The following GRM7 variants were observed in gnomAD, a reference collection of about 807,000 sequenced individuals.
GRM7 encodes metabotropic glutamate receptor 7.
In GRM7, 35 loss-of-function variants were observed where a neutral mutation model predicts 84.5. The observed-to-expected ratio is 0.41, with a 90% CI of 0.32 to 0.55. The LOEUF (loss-of-function observed/expected upper bound fraction) is 0.55, where lower values mean the gene tolerates loss of function less well. Among genes scored for constraint, GRM7 ranks in the 20% least tolerant of loss-of-function variants. The pLI is 0.19. For synonymous variants in GRM7, 487 were observed against 455.1 expected (o/e 1.07, Z -0.89); for missense variants, 1,003 against 1,194.6 (o/e 0.84, Z 2.36).
intron 7 of GRM7, among the ~76,000 whole-genome samples, chr3:7,519,295 G>A (rs986297193): frequency 6.6e-6 from 1 of 151,926 alleles, no homozygotes; most frequent in African/African-American, 2.4e-5. Flanking sequence ...TCAGGAGGTA[G>A]AGGCTGCAGT....
intron 7 of GRM7, among the ~76,000 whole-genome samples, chr3:7,555,466 T>C (rs1417809563): frequency 1.3e-5 from 2 of 152,210 alleles, no homozygotes; most frequent in African/African-American, 2.4e-5. Context: ...ATACATGATT[T>C]TCATTTTAAC....
intron 2 of GRM7, among the ~76,000 whole-genome samples, chr3:7,184,038 T>A (rs1695432383): frequency 6.6e-6 from 1 of 151,838 alleles, no homozygotes; most frequent in South Asian, 2.1e-4. Context: ...AAAGGTGAAA[T>A]GAAATGTATG....
At chr3:7,213,409 G>A (rs1201341544) in intron 2 of GRM7, among the ~76,000 whole-genome samples, 1 of 152,106 alleles carries the variant, frequency 6.6e-6, no homozygotes, top group Non-Finnish European at 1.5e-5. Flanking sequence ...AAGGCCCTTG[G>A]AGATCACCCG....
intron 2 of GRM7, among the ~76,000 whole-genome samples, chr3:7,211,198 A>G (rs570664760): frequency 6.6e-6 from 1 of 152,366 alleles, no homozygotes; most frequent in African/African-American, 2.4e-5. Flanking sequence ...TGATTTGAAC[A>G]AGTCTTGTAA....
intron 6 of GRM7, among the ~76,000 whole-genome samples, chr3:7,460,907 A>T (rs1460253002): frequency 2.0e-5 from 3 of 152,226 alleles, no homozygotes; most frequent in Non-Finnish European, 4.4e-5. Context: ...TTCACTCCAA[A>T]GTCTAATTCT....
chr3:7,030,181 T>C (rs922208003), intron 1 of GRM7, among the ~76,000 whole-genome samples: 2 of 151,972 alleles, frequency 1.3e-5, no homozygotes, highest in Non-Finnish European at 2.9e-5. Context: ...ATGAAAAAAA[T>C]ACAAATGAAA....
chr3:6,924,697 T>A (rs1443021367), intron 1 of GRM7, among the ~76,000 whole-genome samples: 2 of 151,848 alleles, frequency 1.3e-5, no homozygotes, highest in African/African-American at 4.8e-5. Flanking sequence ...AAGCCAGTTT[T>A]ATAGATATAT....
chr3:7,351,396 C>T (rs542547030), intron 4 of GRM7, among the ~76,000 whole-genome samples: 1 of 147,070 alleles, frequency 6.8e-6, no homozygotes, highest in Admixed American at 6.9e-5. Context: ...AACCCTCCTT[C>T]ATCATTGTAA....
At chr3:7,137,063 C>T (rs769974571) in intron 1 of GRM7, among the ~76,000 whole-genome samples, 12 of 152,074 alleles carry the variant, frequency 7.9e-5, no homozygotes, top group Non-Finnish European at 1.5e-4. Context: ...TTGGATATAA[C>T]TTAACTTTTG....
chr3:7,128,832 G>C (rs1365102894), intron 1 of GRM7, among the ~76,000 whole-genome samples: 1 of 151,930 alleles, frequency 6.6e-6, no homozygotes, highest in Non-Finnish European at 1.5e-5. Flanking sequence ...GCCCAAACTG[G>C]AGCAGGTTAA....
chr3:7,136,397 A>G (rs1489741292), intron 1 of GRM7, among the ~76,000 whole-genome samples: 2 of 151,522 alleles, frequency 1.3e-5, no homozygotes, highest in Non-Finnish European at 1.5e-5. Context: ...ATCATAGTTT[A>G]TGTTGCCTAG....
intron 4 of GRM7, among the ~76,000 whole-genome samples, chr3:7,346,949 G>A (rs1460806096): frequency 2.0e-5 from 3 of 152,092 alleles, no homozygotes; most frequent in Non-Finnish European, 4.4e-5. Flanking sequence ...AAGTGAGATC[G>A]TGTGCTATAC....
At chr3:7,338,319 A>G (rs1189741089) in intron 4 of GRM7, among the ~76,000 whole-genome samples, 39 of 151,974 alleles carry the variant, frequency 2.6e-4, no homozygotes, top group Non-Finnish European at 5.9e-5. Context: ...CATAAGAATA[A>G]TATAATGGAC....
At chr3:7,736,433 G>T (rs1702502406) in intron 9 of GRM7, among the ~76,000 whole-genome samples, 1 of 152,098 alleles carries the variant, frequency 6.6e-6, no homozygotes, top group Admixed American at 6.6e-5. Context: ...AATCTGTTAT[G>T]CTAACATTAA....
At chr3:7,504,166 T>C (rs1186024992) in intron 7 of GRM7, among the ~76,000 whole-genome samples, 1 of 152,154 alleles carries the variant, frequency 6.6e-6, no homozygotes, top group Non-Finnish European at 1.5e-5. Context: ...ATTTTTGGAG[T>C]AGGATTACCT....
intron 7 of GRM7, among the ~76,000 whole-genome samples, chr3:7,547,231 G>T (rs1200326826): frequency 1.6e-5 from 2 of 128,834 alleles, no homozygotes; most frequent in Middle Eastern, 4.7e-3. Flanking sequence ...TTTTGAGACG[G>T]AGTCTCACTC....
At chr3:7,307,809 T>G (rs1700245771) in intron 4 of GRM7, among the ~76,000 whole-genome samples, 1 of 152,196 alleles carries the variant, frequency 6.6e-6, no homozygotes, top group Non-Finnish European at 1.5e-5. Flanking sequence ...GTATCTGTTG[T>G]GTGCCTTGCT....
At chr3:7,367,975 AACTAC>A (rs1272180095) in intron 4 of GRM7, among the ~76,000 whole-genome samples, 4 of 972 alleles carry the variant, frequency 4.1e-3, no homozygotes, top group East Asian at 0.045. Context: ...CAACAACAAC[AACTAC>A]ACAGACAATG....
chr3:7,495,047 G>A (rs1699653293), intron 7 of GRM7, among the ~76,000 whole-genome samples: 1 of 152,150 alleles, frequency 6.6e-6, no homozygotes, highest in African/African-American at 2.4e-5. Context: ...GTGTTAGGAG[G>A]CATTGTGTCT....
Sources: gnomAD v4.1 joint callset for allele counts (sites outside exome capture counted in the v4.1 genomes callset) on GRCh38, gnomAD v4.1.1 for gene constraint, MANE v1.5 for transcripts, NCBI Gene and HGNC (gene_info 2026-07-23, HGNC 2026-07-21) for gene names.